Variants in F5 observed in about 807,000 individuals in gnomAD.
The protein encoded by F5 is activated protein c cofactor.
A neutral mutation model predicts 216.4 loss-of-function variants in F5; 138 were observed. The ratio of observed to expected loss-of-function variants is 0.64; its 90% confidence interval spans 0.56 to 0.73. F5 has a LOEUF of 0.73. F5 is among the 30% of genes least tolerant of loss of function. The pLI is 0.00. For missense variants in F5, 2,403 were observed against 2,674.0 expected, an observed-to-expected ratio of 0.90 and a Z score of 2.24; for synonymous variants, 916 against 930.7, an observed-to-expected ratio of 0.98 and a Z score of 0.29.
intron 4 of F5, among the ~76,000 whole-genome samples, 158 bp from the exon 5 acceptor site, chr1:169,559,454 G>A (rs527452007): frequency 1.3e-5 from 2 of 152,116 alleles, no homozygotes; most frequent in Admixed American, 1.3e-4. Flanking sequence ...AAGTAATAAT[G>A]GTTCTAGGGT....
At position 169,560,599 on chromosome 1, in the gene F5, C is replaced by T. The variant is rs766643747; in HGVS notation, c.541G>A (p.Asp181Asn). Residue 181 changes from aspartate to asparagine, a missense_variant, in exon 4 of 25, where the codon GAT becomes AAT. Physicochemically the swap from Asp to Asn is conservative, Grantham distance 23. Around this residue, in one of 4 missense-constraint regions of F5, gnomAD observed 1,425 missense variants for 1,554.8 expected, o/e 0.92. Transcript: ENST00000367797. ...IYYSHENLIE[D>N]FNSGLIGPLL... ...GGCCCAATCAGCCCCGAGTTGAAAT[C>T]CTCGATCAGATTTTCATGGGAGTAA... The T allele has an allele frequency of 6.2e-7, 1 of 1,613,690 alleles. No individual in the cohort carries two copies. The highest frequency in any genetic ancestry group is 1.1e-5 in the South Asian group (1 of 91,066).
At chr1:169,553,480 G>T (rs532366146) in intron 7 of F5, among the ~76,000 whole-genome samples, 109 of 152,272 alleles carry the variant, frequency 7.2e-4, no homozygotes, top group Middle Eastern at 6.8e-3. Flanking sequence ...AGGCCGAGGC[G>T]GGCAAATCAC....
At chr1:169,546,725 G>A in intron 10 of F5, 133 bp from the exon 11 acceptor site, 1 of 796,736 alleles carries the variant, frequency 1.3e-6, no homozygotes, top group South Asian at 1.5e-5. Context: ...ATAGGGAAAG[G>A]ATTCTCTATT....
In F5 at chr1:169,542,600, T is replaced by C. The variant is rs773244974; in HGVS notation, c.2490A>G (p.Pro830=). The change falls in exon 13 of 25, where the codon CCA becomes CCG. Residue 830 remains proline, a synonymous_variant. Coordinates refer to ENST00000367797, the MANE Select transcript of F5 (RefSeq NM_000130.5). ...LNSSTAEHSS[P]YSEDPIEDPL... is the part of the protein sequence containing the mutation. ...GATCCTCTATAGGGTCTTCAGAATATGGGCTGGAATGCTCTGCTGTGGAAG... is the reference window on the plus strand; with the variant it reads ...GATCCTCTATAGGGTCTTCAGAATACGGGCTGGAATGCTCTGCTGTGGAAG... The C allele has an allele frequency of 6.8e-6, 11 of 1,613,912 alleles. No homozygotes were observed. Among genetic ancestry groups the C allele is most frequent in the Non-Finnish European group, 8.5e-6 (10 of 1,179,976 alleles).
At chr1:169,561,690 C>G (rs964752818) in intron 3 of F5, among the ~76,000 whole-genome samples, 3 of 152,040 alleles carry the variant, frequency 2.0e-5, no homozygotes, top group Non-Finnish European at 4.4e-5. Flanking sequence ...GACAGAATTT[C>G]TCTTTGGGAT....
chr1:169,543,012 T>C lies in F5; in HGVS notation c.2078A>G (p.Tyr693Cys), dbSNP rs1659907862. Reference protein sequence around the residue: ...KCIPDDDEDSYEIFEPPESTV... With the variant: ...KCIPDDDEDSCEIFEPPESTV... ...AGATTCTGGAGGTTCAAAAATCTCA[T>C]ATGAGTCTTCATCATCATCTGGGAT... The change falls in exon 13 of 25, where the codon TAT (tyrosine) becomes TGT (cysteine). Residue 693 changes from tyrosine (Y) to cysteine (C), a missense_variant. Tyr to Cys is a radical substitution (Grantham distance 194, BLOSUM62 -2). This residue lies in a region of F5 where 1,425 missense variants were observed against 1,554.8 expected (regional missense o/e 0.92). Coordinates refer to ENST00000367797, the MANE Select transcript of F5 (RefSeq NM_000130.5). 1.2e-6 allele frequency: 2 copies of C among 1,613,966 alleles called. No individual in the cohort carries two copies. Among genetic ancestry groups the C allele is most frequent in the Admixed American group, 3.3e-5 (2 of 59,978 alleles).
chr1:169,553,479 C>T (rs1445593251), intron 7 of F5, among the ~76,000 whole-genome samples: 1 of 152,162 alleles, frequency 6.6e-6, no homozygotes, highest in Non-Finnish European at 1.5e-5. Flanking sequence ...GAGGCCGAGG[C>T]GGGCAAATCA....
Position 169,547,214 on chromosome 1 carries a change from C to T in F5, c.1612-622G>A, listed in dbSNP as rs76385270. Among the ~76,000 whole-genome samples the T allele has an allele frequency of 7.5e-3, 1,142 of 152,028 alleles. 3 individuals are homozygous for T. Among genetic ancestry groups the T allele is most frequent in the Non-Finnish European group, 0.014 (932 of 67,922 alleles). On this transcript the variant is annotated intron_variant, in intron 10 of 24. Transcript: ENST00000367797. The stretch of plus-strand genomic sequence containing the variant: ...AAAAAACAACAACAACACACTTAAA[C>T]GTAAAACCCCAAACTACAAAAACCC...
In F5 at chr1:169,540,958, C is replaced by G; in HGVS notation, c.4132G>C (p.Glu1378Gln). 1 of 1,595,934 alleles carries G rather than the reference C, an allele frequency of 6.3e-7. No individual in the cohort carries two copies. Among genetic ancestry groups the G allele is most frequent in the Non-Finnish European group, 8.6e-7 (1 of 1,166,294 alleles). Residue 1378 changes from glutamate to glutamine, a missense_variant, in exon 13 of 25, where the codon GAA becomes CAA. Glu to Gln is a conservative substitution (Grantham distance 29). This residue lies in a region of F5 where 293 missense variants were observed against 270.8 expected (regional missense o/e 1.08). Transcript: ENST00000367797. ...GGGGAAAGGTTTGTCTGACTGAGTT[C>G]TGGAGAGAGGTTTGTCTGGCTGAGG... is the stretch of plus-strand genomic sequence containing the variant. ...LDLSQTNLSP[E>Q]LSQTNLSPDL...
In F5 at chr1:169,542,419, C is replaced by A; in HGVS notation, c.2671G>T (p.Gly891Trp). The A allele has an allele frequency of 6.2e-7, 1 of 1,614,084 alleles. No individual in the cohort carries two copies. The highest frequency in any genetic ancestry group is 8.5e-7 in the Non-Finnish European group (1 of 1,179,994). ...CCAGTGTCTTGGCTTAGGTGTCTCC[C>A]AACTTTATGTGCTAGTAATTTCATC... ...SWMKLLAHKV[G>W]RHLSQDTGSP... Residue 891 changes from glycine (G) to tryptophan (W), a missense_variant, in exon 13 of 25, where the codon GGG becomes TGG. This residue lies in a region of F5 where 1,425 missense variants were observed against 1,554.8 expected (regional missense o/e 0.92). Coordinates refer to ENST00000367797, the MANE Select transcript of F5 (RefSeq NM_000130.5).
chr1:169,559,321 A>G, intron 4 of F5, 25 bp from the exon 5 acceptor site: 1 of 1,613,082 alleles, frequency 6.2e-7, no homozygotes, highest in Non-Finnish European at 8.5e-7. Context: ...ACATGTTTTC[A>G]GTAGCACTGC....
At chr1:169,562,205 G>A (rs559347593) in intron 3 of F5, among the ~76,000 whole-genome samples, 10 of 152,174 alleles carry the variant, frequency 6.6e-5, no homozygotes, top group Middle Eastern at 3.4e-3. Flanking sequence ...AATGCCCTCT[G>A]GGCCCAGACA....
At chr1:169,525,644 G>A (rs903753486) in intron 18 of F5, among the ~76,000 whole-genome samples, 1 of 152,124 alleles carries the variant, frequency 6.6e-6, no homozygotes, top group Non-Finnish European at 1.5e-5. Flanking sequence ...TTTCTTATAT[G>A]CACTTGTCCA....
At chr1:169,557,742 G>T (rs1395335046) in intron 5 of F5, among the ~76,000 whole-genome samples, 1 of 151,452 alleles carries the variant, frequency 6.6e-6, no homozygotes, top group Non-Finnish European at 1.5e-5. Flanking sequence ...CCACACAAAG[G>T]CTTGTTTTTT....
chr1:169,526,614 T>G (rs1267542429), intron 17 of F5, among the ~76,000 whole-genome samples: 1 of 152,144 alleles, frequency 6.6e-6, no homozygotes, highest in East Asian at 1.9e-4. Context: ...TTTATGACTG[T>G]TTCCCAGATT....
rs114542453 is a variant in F5 at position 169,522,998 on chromosome 1, G to A, written c.6048+199C>T. Among the ~76,000 whole-genome samples the A allele has an allele frequency of 6.8e-3, 1,019 of 149,332 alleles. 8 individuals are homozygous for A. Among genetic ancestry groups the A allele is most frequent in the African/African-American group, 0.024 (977 of 40,786 alleles). Reference sequence around the variant, plus strand: ...AGTTTTGTGGGGTTTTGAAGTTTCAGTAACCCTGCTTCTCTCTTTAATTTG... The same window carrying A: ...AGTTTTGTGGGGTTTTGAAGTTTCAATAACCCTGCTTCTCTCTTTAATTTG... On this transcript the variant is annotated intron_variant, in intron 21 of 24. Transcript: ENST00000367797.
chr1:169,514,240 TA>T lies in F5; in HGVS notation c.*72del. 6 of 1,451,398 alleles carry T rather than the reference TA, an allele frequency of 4.1e-6. No homozygotes were observed. The highest frequency in any genetic ancestry group is 5.8e-6 in the Non-Finnish European group (6 of 1,033,010). 89.9% of individuals were successfully genotyped at this position (1,451,398 alleles called of 1,614,324 possible). ...AAAACTGTTAACATTTAACACAGCG[TA>T]AAATACATTGCCCATTCTAAATGGT... On this transcript the variant is annotated 3_prime_UTR_variant, in exon 25 of 25. Transcript: ENST00000367797.
chr1:169,582,321 A>AC (rs1661007525), intron 2 of F5, 110 bp downstream of exon 2: 1 of 612,048 alleles, frequency 1.6e-6, no homozygotes, highest in African/African-American at 1.9e-5. Flanking sequence ...TAAAAAAAAA[A>AC]CCACACGTTT....
chr1:169,574,902 C>T (rs968134974), intron 2 of F5, among the ~76,000 whole-genome samples: 1 of 152,134 alleles, frequency 6.6e-6, no homozygotes, highest in Non-Finnish European at 1.5e-5. Context: ...ATCAGAATTG[C>T]AATGGTGCGT....
Sources: allele counts gnomAD v4.1 joint callset (sites outside exome capture counted in the v4.1 genomes callset), GRCh38; gene constraint gnomAD v4.1.1; regional missense constraint gnomAD v4.1.1; transcripts MANE v1.5; gene names NCBI Gene and HGNC (gene_info 2026-07-23, HGNC 2026-07-21).